The following TP53BP1 variants were observed in gnomAD, a reference collection of about 807,000 sequenced individuals.
The protein encoded by TP53BP1 is TP53-binding protein 1.
A neutral mutation model predicts 200.8 loss-of-function variants in TP53BP1; 61 were observed. The ratio of observed to expected loss-of-function variants is 0.30; its 90% CI spans 0.25 to 0.38. TP53BP1 has a LOEUF of 0.38. Among genes scored for constraint, TP53BP1 ranks in the 10% least tolerant of loss-of-function variants. The pLI, the probability that TP53BP1 is intolerant of heterozygous loss-of-function variation, is 1.00. For synonymous variants in TP53BP1, 822 were observed against 844.3 expected (o/e 0.97, Z 0.46); for missense variants, 2,144 against 2,371.9 (o/e 0.90, Z 2.00).
intron 1 of TP53BP1, among the ~76,000 whole-genome samples, chr15:43,502,469 A>T (rs577937855): frequency 2.4e-4 from 36 of 148,590 alleles, no homozygotes; most frequent in African/African-American, 8.2e-4. Flanking sequence ...TTTTTTTCTC[A>T]TTTTTTTTTG....
At position 43,447,493 on chromosome 15, in the gene TP53BP1, AAAAAAAAAAAAG is replaced by A; in HGVS notation, c.2717-20_2717-9del. On this transcript the variant is annotated splice_polypyrimidine_tract_variant and intron_variant, in intron 12 of 27. Coordinates refer to ENST00000382044, the MANE Select transcript of TP53BP1 (RefSeq NM_001141980.3). ...TGAAATGAAATGGGGTTTCTGAAAA[AAAAAAAAAAAAG>A]AAAAAAGAAAGAAAGAAAAAATGAT... The A allele has an allele frequency of 6.7e-7, 1 of 1,483,666 alleles. No homozygotes were observed. Among genetic ancestry groups the A allele is most frequent in the Non-Finnish European group, 9.0e-7 (1 of 1,114,424 alleles). The allele number at this position is 1,483,666 out of a possible 1,614,324, so 91.9% of individuals were successfully genotyped here.
intron 1 of TP53BP1, among the ~76,000 whole-genome samples, chr15:43,510,021 C>T (rs1308905663): frequency 6.6e-6 from 1 of 152,058 alleles, no homozygotes; most frequent in Non-Finnish European, 1.5e-5. Flanking sequence ...GGAGGCTAGA[C>T]TAACAGCACT....
intron 24 of TP53BP1, chr15:43,412,731 G>A (rs1192925072): frequency 2.1e-6 from 1 of 472,080 alleles, no homozygotes. Context: ...AGATGGCAGG[G>A]CATTCAGACC....
At position 43,456,921 on chromosome 15, in the gene TP53BP1, T is replaced by G; in HGVS notation, c.1687A>C (p.Lys563Gln). ...TEPMSPVLNSKFVPAENDSIL... is the reference protein window; with the variant it reads ...TEPMSPVLNSQFVPAENDSIL... The stretch of plus-strand genomic sequence containing the variant: ...CTATCATTTTCAGCAGGAACAAATT[T>G]AGAATTGAGAACTGGAGACATGGGT... Residue 563 changes from lysine (K) to glutamine (Q), a missense_variant, in exon 12 of 28, where the codon AAA (lysine) becomes CAA (glutamine). Coordinates refer to ENST00000382044, the MANE Select transcript of TP53BP1 (RefSeq NM_001141980.3). 1.2e-6 allele frequency: 2 copies of G among 1,614,158 alleles called. No homozygotes were observed. Among genetic ancestry groups the G allele is most frequent in the East Asian group, 2.2e-5 (1 of 44,886 alleles).
Position 43,456,800 on chromosome 15 carries a change from CTAA to C in TP53BP1, c.1805_1807del (p.Ile602del). 1 of 1,613,994 alleles carries C rather than the reference CTAA, an allele frequency of 6.2e-7. No individual in the cohort carries two copies. Among genetic ancestry groups the C allele is most frequent in the South Asian group, 1.1e-5 (1 of 91,084 alleles). ...GCCCTTGCAACCAGTGGCTAAAATA[CTAA>C]TGTCATCCCTGGTGTCTGTATCATC... On this transcript the variant is annotated inframe_deletion, in exon 12 of 28. Transcript: ENST00000382044.
chr15:43,457,183 T>C lies in TP53BP1; in HGVS notation c.1425A>G (p.Gln475=), dbSNP rs186840350. 5.0e-6 allele frequency: 8 copies of C among 1,612,082 alleles called. No homozygotes were observed. Among genetic ancestry groups the C allele is most frequent in the Middle Eastern group, 1.7e-4 (1 of 6,046 alleles). ...CTCCATCTTTCTTCCCATCATTTGA[T>C]TGTTCTTCCAGACTTGGGGAAGGAA... is the stretch of plus-strand genomic sequence containing the variant. ...IFIPSPSLEE[Q]SNDGKKDGDM... The change falls in exon 12 of 28, where the codon CAA becomes CAG. Residue 475 remains glutamine (Q), a synonymous_variant. Transcript: ENST00000382044.
At chr15:43,458,027 G>GTAATAA (rs1410083433) in intron 11 of TP53BP1, among the ~76,000 whole-genome samples, 1 of 151,566 alleles carries the variant, frequency 6.6e-6, no homozygotes, top group African/African-American at 2.4e-5. Context: ...TCAAAAAATA[G>GTAATAA]TAATAATAAT....
chr15:43,464,391 T>C (rs552862587), intron 11 of TP53BP1, among the ~76,000 whole-genome samples: 1 of 152,226 alleles, frequency 6.6e-6, no homozygotes, highest in African/African-American at 2.4e-5. Flanking sequence ...GAGTAGAAAT[T>C]AATAACTAAG....
intron 11 of TP53BP1, among the ~76,000 whole-genome samples, chr15:43,468,919 G>C (rs1159090749): frequency 6.6e-6 from 1 of 152,126 alleles, no homozygotes; most frequent in Non-Finnish European, 1.5e-5. Flanking sequence ...AACAAAACAA[G>C]TTTTAAAACT....
At chr15:43,410,412 G>A (rs755120554) in intron 24 of TP53BP1, among the ~76,000 whole-genome samples, 16 of 152,076 alleles carry the variant, frequency 1.1e-4, no homozygotes, top group Non-Finnish European at 2.2e-4. Context: ...CTGCTCTATA[G>A]TCTTGAGAGT....
At chr15:43,428,314 T>C (rs1280218868) in intron 17 of TP53BP1, 146 bp from the exon 18 acceptor site, 5 of 691,658 alleles carry the variant, frequency 7.2e-6, no homozygotes, top group African/African-American at 3.6e-5. Context: ...TATCCACCTA[T>C]AGGTAAGACC....
intron 26 of TP53BP1, chr15:43,408,337 T>C (rs1347380659): frequency 2.6e-6 from 1 of 378,190 alleles, no homozygotes; most frequent in African/African-American, 2.1e-5. Flanking sequence ...AAAAATTAGC[T>C]GGGTGTGGTG....
chr15:43,409,676 A>AG lies in TP53BP1; in HGVS notation c.5370dup (p.Tyr1791LeufsTer4). On this transcript the variant is annotated frameshift_variant, in exon 25 of 28. Coordinates refer to ENST00000382044, the MANE Select transcript of TP53BP1 (RefSeq NM_001141980.3). LOFTEE classifies it high-confidence loss of function. ...GCTTCATTGAAATCTTCAAGGATAT[A>AG]GCCAGCTCCTGCTCGAAGCTGGGAT... 1 of 1,574,840 alleles carries AG rather than the reference A, an allele frequency of 6.3e-7. No individual in the cohort carries two copies. Among genetic ancestry groups the AG allele is most frequent in the Non-Finnish European group, 8.6e-7 (1 of 1,162,802 alleles).
intron 14 of TP53BP1, among the ~76,000 whole-genome samples, chr15:43,442,331 C>T (rs898416689): frequency 3.3e-5 from 5 of 151,998 alleles, no homozygotes; most frequent in African/African-American, 1.2e-4. Context: ...CGTGATCCGC[C>T]CGCCTCGGTC....
chr15:43,485,393 T>C (rs2079031455), intron 4 of TP53BP1, among the ~76,000 whole-genome samples: 1 of 150,676 alleles, frequency 6.6e-6, no homozygotes, highest in Admixed American at 6.6e-5. Context: ...CTGGCTAACA[T>C]GGTGAAACCC....
intron 18 of TP53BP1, 127 bp from the exon 19 acceptor site, chr15:43,422,253 T>C (rs1243939831): frequency 1.8e-6 from 2 of 1,113,062 alleles, no homozygotes; most frequent in Non-Finnish European, 2.5e-6. Context: ...GGAGACTTTC[T>C]GGAATAATGG....
At chr15:43,436,826 C>A (rs978242169) in intron 16 of TP53BP1, among the ~76,000 whole-genome samples, 2 of 151,948 alleles carry the variant, frequency 1.3e-5, no homozygotes, top group Non-Finnish European at 2.9e-5. Flanking sequence ...TAACTCAAAA[C>A]TTTTTTCCTG....
At chr15:43,422,241 C>T in intron 18 of TP53BP1, 115 bp from the exon 19 acceptor site, 1 of 1,235,850 alleles carries the variant, frequency 8.1e-7, no homozygotes, top group Non-Finnish European at 1.1e-6. Flanking sequence ...AGGTGAGAAT[C>T]AGGAGACTTT....
rs1465727888 is a variant in TP53BP1 at position 43,493,088 on chromosome 15, C to T, written c.-45G>A. On this transcript the variant is annotated 5_prime_UTR_variant, in exon 1 of 28. Transcript: ENST00000382044. ...CGCTCGAGCTAGAGGTCTCTGCACGCTCCCCAAGTCCCTCCAGATCGATCC... is the reference window on the plus strand; with the variant it reads ...CGCTCGAGCTAGAGGTCTCTGCACGTTCCCCAAGTCCCTCCAGATCGATCC... 3 of 1,610,682 alleles carry T rather than the reference C, an allele frequency of 1.9e-6. No individual in the cohort carries two copies. The highest frequency in any genetic ancestry group is 1.1e-5 in the South Asian group (1 of 90,640).
Sources: gnomAD v4.1 joint callset for allele counts (sites outside exome capture counted in the v4.1 genomes callset) on GRCh38, gnomAD v4.1.1 for gene constraint, MANE v1.5 for transcripts, NCBI Gene and HGNC (gene_info 2026-07-23, HGNC 2026-07-21) for gene names.